ITK: variants seen among roughly 807,000 people sequenced by gnomAD.
The protein encoded by ITK is IL2 inducible T cell kinase.
A neutral mutation model predicts 87.6 loss-of-function variants in ITK; 45 were observed. The ratio of observed to expected loss-of-function variants is 0.51; its 90% CI spans 0.40 to 0.66. The LOEUF is 0.66. Among genes scored for constraint, ITK ranks in the 30% least tolerant of loss-of-function variants. ITK has a pLI of 0.00. For missense variants in ITK, 605 were observed against 766.3 expected (o/e 0.79, Z 2.48); for synonymous variants, 303 against 273.6 (o/e 1.11, Z -1.06).
At position 157,186,307 on chromosome 5, in the gene ITK, C is replaced by T. The variant is rs1028093030; in HGVS notation, c.138+5192C>T. 2.0e-5 allele frequency among the ~76,000 whole-genome samples: 3 copies of T among 151,368 alleles called. 1 individual carries two copies. Among genetic ancestry groups the T allele is most frequent in the Admixed American group, 2.0e-4 (3 of 15,210 alleles). Reference sequence around the variant, plus strand: ...TATTTTAGGACCTCTACGTTTTCCACAAATGCCCCAGGACAAATCCTTGTC... The same window carrying T: ...TATTTTAGGACCTCTACGTTTTCCATAAATGCCCCAGGACAAATCCTTGTC... On this transcript the variant is annotated intron_variant, in intron 1 of 16. Coordinates refer to ENST00000422843, the MANE Select transcript of ITK (RefSeq NM_005546.4).
intron 5 of ITK, among the ~76,000 whole-genome samples, chr5:157,218,847 G>C (rs1028575271): frequency 6.6e-6 from 1 of 152,140 alleles, no homozygotes; most frequent in African/African-American, 2.4e-5. Flanking sequence ...GAGCATGTTA[G>C]AAATACAAAT....
chr5:157,232,373 T>C lies in ITK; in HGVS notation c.747T>C (p.Ala249=). The C allele has an allele frequency of 6.2e-7, 1 of 1,611,406 alleles. No individual in the cohort carries two copies. Among genetic ancestry groups the C allele is most frequent in the Non-Finnish European group, 8.5e-7 (1 of 1,177,848 alleles). The part of the protein sequence containing the change: ...WYNKSISRDK[A]EKLLLDTGKE... ...ATAAGAGTATCAGCCGAGACAAAGCTGAAAAACTTCTTTTGGACACAGTAA... is the reference window on the plus strand; with the variant it reads ...ATAAGAGTATCAGCCGAGACAAAGCCGAAAAACTTCTTTTGGACACAGTAA... Residue 249 remains alanine (A), a synonymous_variant, in exon 8 of 17, where the codon GCT becomes GCC. Transcript: ENST00000422843.
At chr5:157,198,430 C>T (rs1402141890) in intron 1 of ITK, among the ~76,000 whole-genome samples, 1 of 152,120 alleles carries the variant, frequency 6.6e-6, no homozygotes. Flanking sequence ...CATAGCACAT[C>T]CAGCCACATG....
Position 157,217,878 on chromosome 5 carries a change from C to G in ITK, c.466C>G (p.Pro156Ala), listed in dbSNP as rs767495164. The G allele has an allele frequency of 3.1e-6, 5 of 1,614,044 alleles. No individual in the cohort carries two copies. Among genetic ancestry groups the G allele is most frequent in the Non-Finnish European group, 4.2e-6 (5 of 1,179,922 alleles). ...TTTTCTCTTTTCAGCTTCAAAGAAG[C>G]CTCTTCCTCCTACTCCTGAAGACAA... ...YDPTKNASKKPLPPTPEDNRR... is the reference protein window; with the variant it reads ...YDPTKNASKKALPPTPEDNRR... The change falls in exon 5 of 17, where the codon CCT (proline) becomes GCT (alanine). Residue 156 changes from proline (P) to alanine (A), a missense_variant. Around this residue, in one of 3 missense-constraint regions of ITK, gnomAD observed 464 missense variants for 578.0 expected, o/e 0.80. Transcript: ENST00000422843.
chr5:157,211,565 C>T, intron 3 of ITK, 197 bp downstream of exon 3: 5 of 610,704 alleles, frequency 8.2e-6, no homozygotes, highest in Non-Finnish European at 1.5e-5. Flanking sequence ...CAAATCCAGC[C>T]TGCTGTCTGT....
At chr5:157,205,814 G>A (rs1754067981) in intron 1 of ITK, among the ~76,000 whole-genome samples, 1 of 152,084 alleles carries the variant, frequency 6.6e-6, no homozygotes, top group Non-Finnish European at 1.5e-5. Flanking sequence ...TTAACATGAA[G>A]CAATGTTGAA....
intron 5 of ITK, among the ~76,000 whole-genome samples, chr5:157,219,087 A>G (rs1169606340): frequency 1.3e-5 from 2 of 148,840 alleles, no homozygotes; most frequent in Admixed American, 1.3e-4. Flanking sequence ...TTATGATAAT[A>G]TTAACACCAA....
intron 1 of ITK, among the ~76,000 whole-genome samples, chr5:157,189,730 G>A (rs1182762744): frequency 1.3e-5 from 2 of 152,284 alleles, no homozygotes; most frequent in East Asian, 1.9e-4. Context: ...TGAACTACAA[G>A]CTCCATGTAA....
intron 1 of ITK, among the ~76,000 whole-genome samples, chr5:157,184,745 C>G (rs926756887): frequency 1.3e-5 from 2 of 152,184 alleles, no homozygotes; most frequent in Non-Finnish European, 2.9e-5. Flanking sequence ...ATGTTATAAG[C>G]TTTTTACCAA....
chr5:157,243,490 T>C (rs1561664368), intron 11 of ITK, 133 bp from the exon 12 acceptor site: 18 of 781,376 alleles, frequency 2.3e-5, no homozygotes, highest in Admixed American at 9.4e-5. Context: ...GGGAAAAAGA[T>C]AATTTATTTG....
At chr5:157,203,937 G>T (rs1011996082) in intron 1 of ITK, among the ~76,000 whole-genome samples, 2 of 152,182 alleles carry the variant, frequency 1.3e-5, no homozygotes, top group Non-Finnish European at 2.9e-5. Flanking sequence ...CTACCTCAGG[G>T]TTATGGGGAA....
intron 2 of ITK, among the ~76,000 whole-genome samples, chr5:157,210,146 A>T (rs1338891649): frequency 2.0e-5 from 3 of 152,072 alleles, no homozygotes; most frequent in African/African-American, 7.2e-5. Context: ...GACTAGTCTC[A>T]AACTCCTGAC....
At chr5:157,196,159 AG>A (rs1335423216) in intron 1 of ITK, among the ~76,000 whole-genome samples, 1 of 152,220 alleles carries the variant, frequency 6.6e-6, no homozygotes, top group Non-Finnish European at 1.5e-5. Context: ...GCTGAGGCTG[AG>A]AAGCTCCAGT....
At chr5:157,194,859 T>C (rs745611247) in intron 1 of ITK, among the ~76,000 whole-genome samples, 9 of 152,196 alleles carry the variant, frequency 5.9e-5, no homozygotes, top group Non-Finnish European at 1.0e-4. Flanking sequence ...AACTAGGGTA[T>C]GGTAGAAATT....
In ITK at chr5:157,244,379, G is replaced by A; in HGVS notation, c.1350G>A (p.Gln450=). 6.2e-7 allele frequency: 1 copy of A among 1,614,110 alleles called. No individual in the cohort carries two copies. The highest frequency in any genetic ancestry group is 8.5e-7 in the Non-Finnish European group (1 of 1,179,994). Residue 450 remains glutamine (Q), a synonymous_variant, in exon 13 of 17, where the codon CAG becomes CAA. Transcript: ENST00000422843. The part of the protein sequence containing the change: ...HGCLSDYLRT[Q]RGLFAAETLL... Reference sequence around the variant, plus strand: ...GCCTGTCAGATTATCTACGCACCCAGCGGGGACTTTTTGCTGCAGAGACCC... The same window carrying A: ...GCCTGTCAGATTATCTACGCACCCAACGGGGACTTTTTGCTGCAGAGACCC...
At chr5:157,202,958 C>T (rs1754005029) in intron 1 of ITK, among the ~76,000 whole-genome samples, 1 of 152,194 alleles carries the variant, frequency 6.6e-6, no homozygotes, top group Non-Finnish European at 1.5e-5. Flanking sequence ...TGCTGCTAGG[C>T]TGTTAACAAG....
intron 16 of ITK, among the ~76,000 whole-genome samples, chr5:157,250,365 G>T (rs1029574209): frequency 6.6e-6 from 1 of 152,046 alleles, no homozygotes; most frequent in Non-Finnish European, 1.5e-5. Context: ...ATGCTTTAAG[G>T]TCCCTCCATG....
At chr5:157,202,204 A>G (rs1561650464) in intron 1 of ITK, among the ~76,000 whole-genome samples, 1 of 150,810 alleles carries the variant, frequency 6.6e-6, no homozygotes, top group South Asian at 2.1e-4. Context: ...TATGTTTACC[A>G]CATTTTCTTT....
At chr5:157,217,965 G>A in intron 5 of ITK, 58 bp downstream of exon 5, 2 of 1,443,612 alleles carry the variant, frequency 1.4e-6, no homozygotes, top group Non-Finnish European at 2.0e-6. Context: ...TGATTGGCAT[G>A]TTCCTATTTG....
Sources: allele counts gnomAD v4.1 joint callset (sites outside exome capture counted in the v4.1 genomes callset), GRCh38; gene constraint gnomAD v4.1.1; regional missense constraint gnomAD v4.1.1; transcripts MANE v1.5; gene names NCBI Gene and HGNC (gene_info 2026-07-23, HGNC 2026-07-21).